PTH2R: variants seen among roughly 807,000 people sequenced by gnomAD.
The protein encoded by PTH2R is parathyroid hormone 2 receptor.
PTH2R carries 59 observed loss-of-function variants against 60.3 expected under a neutral mutation model. The ratio of observed to expected loss-of-function variants is 0.98; its 90% CI spans 0.79 to 1.22. PTH2R has a LOEUF of 1.22. PTH2R is among the 50% of genes most tolerant of loss of function. The pLI is 0.00. For missense variants in PTH2R, 749 were observed against 682.6 expected, an observed-to-expected ratio of 1.10 and a Z score of -1.08; for synonymous variants, 256 against 243.8, an observed-to-expected ratio of 1.05 and a Z score of -0.47.
intron 10 of PTH2R, among the ~76,000 whole-genome samples, chr2:208,484,204 G>T (rs550294351): frequency 6.6e-6 from 1 of 152,178 alleles, no homozygotes; most frequent in Non-Finnish European, 1.5e-5. Flanking sequence ...AACACCTTTC[G>T]GAGCTGAGAT....
At chr2:208,388,137 C>CA (rs1553541011) in intron 1 of PTH2R, among the ~76,000 whole-genome samples, 2 of 149,342 alleles carry the variant, frequency 1.3e-5, no homozygotes, top group Admixed American at 1.3e-4. Flanking sequence ...GTGAAACCCC[C>CA]CCCCCCGTCT....
intron 1 of PTH2R, among the ~76,000 whole-genome samples, chr2:208,418,740 CTT>C (rs373496136): frequency 1.3e-5 from 2 of 151,968 alleles, no homozygotes; most frequent in African/African-American, 4.8e-5. Context: ...TATTTTCCCT[CTT>C]TTTTTGCACA....
At chr2:208,470,487 C>T (rs2014411) in intron 9 of PTH2R, among the ~76,000 whole-genome samples, 89,230 of 151,830 alleles carry the variant, frequency 0.59, 28,340 homozygotes, top group Non-Finnish European at 0.69. Flanking sequence ...GTGCTGTTCT[C>T]GTGATAGTGA....
At chr2:208,391,084 G>A (rs1448726154) in intron 1 of PTH2R, among the ~76,000 whole-genome samples, 1 of 152,146 alleles carries the variant, frequency 6.6e-6, no homozygotes, top group Non-Finnish European at 1.5e-5. Flanking sequence ...TTGGGCTTAG[G>A]GAGGGAGGCA....
chr2:208,396,213 A>C (rs1701204736), intron 1 of PTH2R, among the ~76,000 whole-genome samples: 1 of 152,242 alleles, frequency 6.6e-6, no homozygotes, highest in Admixed American at 6.5e-5. Context: ...AAACCCTAGA[A>C]GAAAACCTAG....
chr2:208,477,961 CTAG>C (rs1559231922), intron 9 of PTH2R, among the ~76,000 whole-genome samples: 1 of 25,130 alleles, frequency 4.0e-5, no homozygotes, highest in African/African-American at 7.7e-5. Flanking sequence ...AGCACTACTA[CTAG>C]TACTAGTACT....
At chr2:208,443,278 C>A in intron 5 of PTH2R, 70 bp from the exon 6 acceptor site, 1 of 1,344,718 alleles carries the variant, frequency 7.4e-7, no homozygotes, top group Non-Finnish European at 1.0e-6. Flanking sequence ...GTGGTGGCAG[C>A]AGTCGCACTG....
intron 9 of PTH2R, among the ~76,000 whole-genome samples, chr2:208,465,437 C>G (rs1301125859): frequency 2.9e-5 from 3 of 103,078 alleles, no homozygotes; most frequent in Non-Finnish European, 5.2e-5. Context: ...GAGTCTCACT[C>G]TGTCACCCAG....
chr2:208,360,189 G>A (rs1316109619), exon 1 of PTH2R: 1 of 454,498 alleles, frequency 2.2e-6, no homozygotes, highest in Non-Finnish European at 4.4e-6. Flanking sequence ...CTTTTTCTAC[G>A]ATAAATGAAA....
At chr2:208,439,183 A>G (rs10497901) in intron 4 of PTH2R, among the ~76,000 whole-genome samples, 11,783 of 152,188 alleles carry the variant, frequency 0.077, 501 homozygotes, top group African/African-American at 0.083. Context: ...TTGAACTCTA[A>G]TCTTATAACC....
At chr2:208,437,002 A>G (rs908889537) in intron 2 of PTH2R, among the ~76,000 whole-genome samples, 9 of 152,164 alleles carry the variant, frequency 5.9e-5, no homozygotes, top group African/African-American at 2.2e-4. Flanking sequence ...GTGAGAAGTG[A>G]TGAAGTTCTG....
chr2:208,381,994 C>T (rs1700923723), intron 1 of PTH2R, among the ~76,000 whole-genome samples: 1 of 152,126 alleles, frequency 6.6e-6, no homozygotes, highest in South Asian at 2.1e-4. Flanking sequence ...TGCTCAAAAG[C>T]TCACATGTAG....
chr2:208,478,057 T>G (rs887935522), intron 9 of PTH2R, among the ~76,000 whole-genome samples: 4 of 151,582 alleles, frequency 2.6e-5, no homozygotes, highest in Non-Finnish European at 1.5e-5. Flanking sequence ...CTTTTATTTC[T>G]TTTGCCTGGT....
intron 8 of PTH2R, among the ~76,000 whole-genome samples, chr2:208,457,159 A>G (rs1702531448): frequency 6.6e-6 from 1 of 152,250 alleles, no homozygotes; most frequent in African/African-American, 2.4e-5. Flanking sequence ...GGCTAAGTGA[A>G]TCAATGTTCA....
rs190454510 is a variant in PTH2R, at chr2:208,410,776, G to A, written c.75+3658G>A. ...CAGATAAAAGATTGTGTGTGTGTGT[G>A]TGTGTCTTACATAAATGCTTGTATA... On this transcript the variant is annotated intron_variant, in intron 1 of 12. Coordinates refer to ENST00000272847, the MANE Select transcript of PTH2R (RefSeq NM_005048.4). 2.6e-5 allele frequency among the ~76,000 whole-genome samples: 4 copies of A among 152,294 alleles called. No homozygotes were observed. In the East Asian group the frequency reaches 5.8e-4, roughly 22 times the overall value.
chr2:208,369,237 C>A (rs950049633), intron 1 of PTH2R, among the ~76,000 whole-genome samples: 1 of 152,050 alleles, frequency 6.6e-6, no homozygotes, highest in Non-Finnish European at 1.5e-5. Flanking sequence ...CTAACAGAAG[C>A]ACATTGGAAG....
At chr2:208,465,750 G>C (rs1264600067) in intron 9 of PTH2R, among the ~76,000 whole-genome samples, 1 of 152,038 alleles carries the variant, frequency 6.6e-6, no homozygotes, top group East Asian at 1.9e-4. Flanking sequence ...GTAGCAAACT[G>C]ACAGGAACAG....
chr2:208,399,348 T>A (rs1574838420), intron 1 of PTH2R, among the ~76,000 whole-genome samples: 1 of 152,110 alleles, frequency 6.6e-6, no homozygotes, highest in Admixed American at 6.5e-5. Context: ...CCTTGGCTGG[T>A]TTCTGGGAGA....
At chr2:208,485,961 A>G (rs1182840515) in intron 10 of PTH2R, among the ~76,000 whole-genome samples, 1 of 152,226 alleles carries the variant, frequency 6.6e-6, no homozygotes, top group Non-Finnish European at 1.5e-5. Flanking sequence ...CTATAGCTAG[A>G]ACCTGAGAAA....
Sources: allele counts gnomAD v4.1 joint callset (sites outside exome capture counted in the v4.1 genomes callset), GRCh38; gene constraint gnomAD v4.1.1; transcripts MANE v1.5; gene names NCBI Gene and HGNC (gene_info 2026-07-23, HGNC 2026-07-21).